The following JAK2 variants were observed in gnomAD, a reference collection of about 807,000 sequenced individuals.
JAK2 encodes the protein tyrosine-protein kinase JAK2.
Under a neutral mutation model 139.3 loss-of-function variants are expected in JAK2, and 86 were observed. The ratio of observed to expected loss-of-function variants is 0.62; its 90% CI spans 0.52 to 0.74. The LOEUF (loss-of-function observed/expected upper bound fraction) is 0.74. Among genes scored for constraint, JAK2 ranks in the 30% least tolerant of loss-of-function variants. The pLI is 0.00. For synonymous variants in JAK2, 490 were observed against 437.7 expected, an observed-to-expected ratio of 1.12 and a Z score of -1.49; for missense variants, 1,421 against 1,360.3, an observed-to-expected ratio of 1.04 and a Z score of -0.70.
At chr9:4,987,716 A>C (rs564101814) in intron 2 of JAK2, among the ~76,000 whole-genome samples, 27 of 104,896 alleles carry the variant, frequency 2.6e-4, no homozygotes, top group African/African-American at 9.5e-4. Flanking sequence ...AGGCTGGGCA[A>C]CACAGCAAGA....
intron 3 of JAK2, among the ~76,000 whole-genome samples, chr9:5,023,229 C>T (rs1822549849): frequency 6.6e-6 from 1 of 152,194 alleles, no homozygotes; most frequent in Non-Finnish European, 1.5e-5. Flanking sequence ...AACTTTTTAG[C>T]TCCCACATAT....
chr9:5,067,589 T>C (rs1818655440), intron 10 of JAK2, among the ~76,000 whole-genome samples: 1 of 152,064 alleles, frequency 6.6e-6, no homozygotes, highest in Non-Finnish European at 1.5e-5. Flanking sequence ...TAATCTATCC[T>C]AATTTCAAAG....
At chr9:5,074,087 A>G (rs1819149810) in intron 14 of JAK2, among the ~76,000 whole-genome samples, 1 of 152,174 alleles carries the variant, frequency 6.6e-6, no homozygotes, top group Non-Finnish European at 1.5e-5. Flanking sequence ...TCAACATAAC[A>G]TTGGAATAAC....
chr9:5,051,435 G>T (rs1395662433), intron 6 of JAK2, among the ~76,000 whole-genome samples: 1 of 152,062 alleles, frequency 6.6e-6, no homozygotes, highest in Admixed American at 6.6e-5. Context: ...TCACGTGGGG[G>T]AGCCTGTTAA....
chr9:5,044,326 G>A (rs1396438679), intron 4 of JAK2, 77 bp from the exon 5 acceptor site: 3 of 846,040 alleles, frequency 3.5e-6, no homozygotes, highest in Non-Finnish European at 6.0e-6. Context: ...TCAGTATGCT[G>A]TAGGTGACTA....
intron 2 of JAK2, among the ~76,000 whole-genome samples, chr9:5,005,114 T>TAGG: frequency 3.8e-5 from 3 of 78,814 alleles, no homozygotes; most frequent in Non-Finnish European, 7.7e-5. Context: ...TTTTTTTTTT[T>TAGG]TTTTTTTTTT....
intron 8 of JAK2, among the ~76,000 whole-genome samples, chr9:5,061,124 T>C (rs1183881295): frequency 6.6e-6 from 1 of 152,254 alleles, no homozygotes; most frequent in East Asian, 1.9e-4. Flanking sequence ...CATCCAAGCC[T>C]TGTTGTTCCA....
At chr9:5,114,719 G>A in intron 22 of JAK2, 2 of 380,392 alleles carry the variant, frequency 5.3e-6, no homozygotes, top group Non-Finnish European at 1.0e-5. Context: ...AATGGGAACA[G>A]AAAAACGAGT....
chr9:4,987,104 T>A (rs1219580264), intron 2 of JAK2, among the ~76,000 whole-genome samples: 1 of 152,236 alleles, frequency 6.6e-6, no homozygotes, highest in East Asian at 1.9e-4. Context: ...ACAGACTGGA[T>A]GTATCCAGCA....
chr9:5,021,925 G>T, intron 2 of JAK2, 38 bp from the exon 3 acceptor site: 1 of 1,259,472 alleles, frequency 7.9e-7, no homozygotes, highest in South Asian at 1.3e-5. Flanking sequence ...GAGACACTGC[G>T]CCCAGCCCAT....
intron 22 of JAK2, chr9:5,111,484 G>C: frequency 2.7e-6 from 1 of 377,052 alleles, no homozygotes; most frequent in South Asian, 2.0e-5. Context: ...CAGGTGAGGA[G>C]TACGGTAGGG....
rs569818669 is a variant in JAK2 at position 5,040,626 on chromosome 9, C to G, written c.351-3777C>G. Among the ~76,000 whole-genome samples the G allele has an allele frequency of 2.6e-5, 4 of 152,362 alleles. No individual in the cohort carries two copies. In the South Asian group the frequency reaches 8.3e-4, roughly 32 times the overall value. On this transcript the variant is annotated intron_variant, in intron 4 of 24. Coordinates refer to ENST00000381652, the MANE Select transcript of JAK2 (RefSeq NM_004972.4). ...TTCTTACAGCTCAACAAGACAATGA[C>G]AACTTAATTTAAAAAGTAGGCAAGG...
chr9:5,118,532 A>T (rs1157674150), intron 22 of JAK2, among the ~76,000 whole-genome samples: 1 of 152,204 alleles, frequency 6.6e-6, no homozygotes, highest in Non-Finnish European at 1.5e-5. Context: ...TGCTTTAAAA[A>T]TTTTATTGGT....
chr9:5,019,340 A>G (rs973237025), intron 2 of JAK2, among the ~76,000 whole-genome samples: 1 of 151,900 alleles, frequency 6.6e-6, no homozygotes, highest in Admixed American at 6.5e-5. Flanking sequence ...TGTATTTTTT[A>G]TTTCATTAAA....
At chr9:5,050,565 C>T in intron 5 of JAK2, 121 bp from the exon 6 acceptor site, 1 of 1,019,926 alleles carries the variant, frequency 9.8e-7, no homozygotes, top group Non-Finnish European at 1.4e-6. Flanking sequence ...GCCACTGAGC[C>T]TGGCCAATTT....
At chr9:5,095,180 A>C (rs1820892854) in intron 22 of JAK2, among the ~76,000 whole-genome samples, 1 of 152,124 alleles carries the variant, frequency 6.6e-6, no homozygotes, top group Non-Finnish European at 1.5e-5. Flanking sequence ...TAAATAAGCT[A>C]TTGGGCCCAT....
intron 4 of JAK2, among the ~76,000 whole-genome samples, chr9:5,030,182 G>C (rs1823053174): frequency 6.6e-6 from 1 of 152,030 alleles, no homozygotes; most frequent in African/African-American, 2.4e-5. Context: ...AATCACAGTG[G>C]CCTTTATTAA....
chr9:5,120,356 T>C (rs201313934), intron 22 of JAK2, among the ~76,000 whole-genome samples: 2 of 152,224 alleles, frequency 1.3e-5, no homozygotes, highest in Non-Finnish European at 2.9e-5. Context: ...AGGAGACACA[T>C]AGCAAACACT....
chr9:5,085,704 C>A, intron 19 of JAK2: 1 of 749,106 alleles, frequency 1.3e-6, no homozygotes. Context: ...GTGAACAAGA[C>A]TAGCAGTGTG....
Sources: gnomAD v4.1 joint callset for allele counts (sites outside exome capture counted in the v4.1 genomes callset) on GRCh38, gnomAD v4.1.1 for gene constraint, MANE v1.5 for transcripts, NCBI Gene and HGNC (gene_info 2026-07-23, HGNC 2026-07-21) for gene names.